Variants in ZNF417 observed in about 807,000 individuals in gnomAD.
The protein encoded by ZNF417 is zinc finger protein 417.
Under a neutral mutation model 7.4 loss-of-function variants are expected in ZNF417, and 5 were observed. That is an observed-to-expected ratio of 0.68 (90% CI 0.35 to 1.43). The LOEUF is 1.43. Ranked by LOEUF, ZNF417 falls within the 40% of genes most tolerant of loss-of-function variation. The pLI is 0.04. For synonymous variants in ZNF417, 147 were observed against 239.1 expected, an observed-to-expected ratio of 0.61 and a Z score of 3.55; for missense variants, 437 against 697.3, an observed-to-expected ratio of 0.63 and a Z score of 4.20.
chr19:57,914,222 A>G (rs1388180494), intron 1 of ZNF417, among the ~76,000 whole-genome samples: 2 of 152,064 alleles, frequency 1.3e-5, no homozygotes, highest in Admixed American at 6.6e-5. Flanking sequence ...GTGATGGCTC[A>G]TGTCTGTAAT....
chr19:57,914,185 A>G (rs904710049), intron 1 of ZNF417, among the ~76,000 whole-genome samples: 4 of 152,070 alleles, frequency 2.6e-5, no homozygotes, highest in African/African-American at 4.8e-5. Flanking sequence ...TATCATCCGC[A>G]TTAGAAAACC....
At chr19:57,913,833 G>A (rs149236854) in intron 1 of ZNF417, among the ~76,000 whole-genome samples, 77 of 152,200 alleles carry the variant, frequency 5.1e-4, no homozygotes, top group Non-Finnish European at 9.3e-4. Flanking sequence ...TCAGCCTGTA[G>A]TCACACCTTC....
chr19:57,908,818 G>A lies in ZNF417; in HGVS notation c.1460C>T (p.Thr487Ile). 1 of 1,613,860 alleles carries A rather than the reference G, an allele frequency of 6.2e-7. No homozygotes were observed. Among genetic ancestry groups the A allele is most frequent in the Non-Finnish European group, 8.5e-7 (1 of 1,179,770 alleles). Residue 487 changes from threonine to isoleucine, a missense_variant, in exon 3 of 3, where the codon ACT becomes ATT. By Grantham distance (89) the Thr-to-Ile change is moderately conservative. Transcript: ENST00000312026. ...NCVTIHQRIH[T>I]GERPYECNEC... is the part of the protein sequence containing the mutation. ...ATTGCATTCATACGGCCTTTCTCCA[G>A]TGTGAATCCTCTGATGTATAGTCAC...
At chr19:57,915,796 A>G (rs373804092) in intron 1 of ZNF417, 36 of 410,966 alleles carry the variant, frequency 8.8e-5, no homozygotes, top group African/African-American at 5.3e-4. Flanking sequence ...GCAGCTTCTG[A>G]CTCCAAGAGT....
At chr19:57,915,515 T>A (rs12972704) in intron 1 of ZNF417, 5 of 470,054 alleles carry the variant, frequency 1.1e-5, no homozygotes, top group Non-Finnish European at 1.6e-5. Context: ...GGTGAAACCG[T>A]CTTTGCAAAA....
rs758977484 is a variant in ZNF417, at chr19:57,908,881, C to A, written c.1397G>T (p.Cys466Phe). Residue 466 changes from cysteine to phenylalanine, a missense_variant, in exon 3 of 3, where the codon TGT (cysteine) becomes TTT (phenylalanine). Physicochemically the swap from Cys to Phe is radical, Grantham distance 205 (BLOSUM62 -2). Coordinates refer to ENST00000312026, the MANE Select transcript of ZNF417 (RefSeq NM_152475.3). ...RVHTGERPYA[C>F]EVCGKLFGNK... The stretch of plus-strand genomic sequence containing the variant: ...ACCAAATAATTTCCCACATACCTCA[C>A]ACGCATATGGCCTTTCTCCAGTGTG... 6 of 1,614,110 alleles carry A rather than the reference C, an allele frequency of 3.7e-6. No individual in the cohort carries two copies. Among genetic ancestry groups the A allele is most frequent in the Non-Finnish European group, 5.1e-6 (6 of 1,180,058 alleles).
intron 1 of ZNF417, 125 bp from the exon 2 acceptor site, chr19:57,912,314 C>T (rs1381799455): frequency 1.3e-6 from 2 of 1,488,818 alleles, no homozygotes; most frequent in Admixed American, 4.5e-5. Context: ...GAAACTATGT[C>T]CACTAGTGCC....
rs1227276131 is a variant in ZNF417 at position 57,906,050 on chromosome 19, C to A, written c.*2500G>T. 6.6e-6 allele frequency among the ~76,000 whole-genome samples: 1 copy of A among 152,018 alleles called. No individual in the cohort carries two copies. The highest frequency in any genetic ancestry group is 2.1e-4 in the South Asian group (1 of 4,806). On this transcript the variant is annotated 3_prime_UTR_variant, in exon 3 of 3. Transcript: ENST00000312026. ...GTACCATCTCAGCTGATTGCAACCT[C>A]CATTTCCGAGGAAGGCTCCTTAATT... is the stretch of plus-strand genomic sequence containing the variant.
In ZNF417 at chr19:57,906,846, T is replaced by TA. The variant is rs2071835141; in HGVS notation, c.*1703_*1704insT. The TA allele has an allele frequency of 1.1e-5, 1 of 87,534 alleles. No homozygotes were observed. The highest frequency in any genetic ancestry group is 2.9e-4 in the East Asian group (1 of 3,446). The allele number at this position is 87,534 out of a possible 1,614,324, so 5.4% of individuals were successfully genotyped here. On this transcript the variant is annotated 3_prime_UTR_variant, in exon 3 of 3. Coordinates refer to ENST00000312026, the MANE Select transcript of ZNF417 (RefSeq NM_152475.3). Reference sequence around the variant, plus strand: ...AAAAGGTAACATTTAGGGATTGAGATTTTTTTTTTTTTTTTTTTTTTTTTT... The same window carrying TA: ...AAAAGGTAACATTTAGGGATTGAGATATTTTTTTTTTTTTTTTTTTTTTTTT...
In ZNF417 at chr19:57,916,249, T is replaced by C. The variant is rs115240730; in HGVS notation, c.33+130A>G. On this transcript the variant is annotated intron_variant, in intron 1 of 2. Coordinates refer to ENST00000312026, the MANE Select transcript of ZNF417 (RefSeq NM_152475.3). ...CACTGGACAGTTACACAGGGACCCCTCCTGCGAGCGCCTCAGTGTTCCTAC... is the reference window on the plus strand; with the variant it reads ...CACTGGACAGTTACACAGGGACCCCCCCTGCGAGCGCCTCAGTGTTCCTAC... 5.8e-3 allele frequency: 8,991 copies of C among 1,550,922 alleles called. 457 individuals are homozygous for C. In the African/African-American group the frequency reaches 0.11, roughly 19 times the overall value.
rs750865306 is a variant in ZNF417, at chr19:57,908,968, T to C, written c.1310A>G (p.Asn437Ser). The C allele has an allele frequency of 1.2e-6, 2 of 1,613,984 alleles. No individual in the cohort carries two copies. The highest frequency in any genetic ancestry group is 2.2e-5 in the East Asian group (1 of 44,864). ...AAATAATTTCCCACATTCCCTACAATTGTAAGGTCTTTCCCCAGTGTGAAG... is the reference window on the plus strand; with the variant it reads ...AAATAATTTCCCACATTCCCTACAACTGTAAGGTCTTTCCCCAGTGTGAAG... ...QRLHTGERPY[N>S]CRECGKLFNR... is the part of the protein sequence containing the mutation. The change falls in exon 3 of 3, where the codon AAT becomes AGT. Residue 437 changes from asparagine to serine, a missense_variant. Physicochemically the swap from Asn to Ser is conservative, Grantham distance 46 (BLOSUM62 1). Around this residue, in one of 5 missense-constraint regions of ZNF417, gnomAD observed 233 missense variants for 235.5 expected, o/e 0.99. Coordinates refer to ENST00000312026, the MANE Select transcript of ZNF417 (RefSeq NM_152475.3).
At position 57,916,480 on chromosome 19, in the gene ZNF417, G is replaced by A; in HGVS notation, c.-69C>T. 2 of 1,612,156 alleles carry A rather than the reference G, an allele frequency of 1.2e-6. No homozygotes were observed. Among genetic ancestry groups the A allele is most frequent in the Non-Finnish European group, 1.7e-6 (2 of 1,179,306 alleles). On this transcript the variant is annotated 5_prime_UTR_variant, in exon 1 of 3. Transcript: ENST00000312026. ...CACGGGGCTGCAGAGCCGCCTCTGG[G>A]CACCGAGGACGATTCCTCTCCACCT... is the stretch of plus-strand genomic sequence containing the variant.
chr19:57,908,984 C>T lies in ZNF417; in HGVS notation c.1294G>A (p.Gly432Arg). The change falls in exon 3 of 3, where the codon GGG (glycine) becomes AGG (arginine). Residue 432 changes from glycine (G) to arginine (R), a missense_variant. Gly to Arg is a moderately radical substitution (Grantham distance 125). Coordinates refer to ENST00000312026, the MANE Select transcript of ZNF417 (RefSeq NM_152475.3). ...TCCCTACAATTGTAAGGTCTTTCCC[C>T]AGTGTGAAGTCTCTGGTGTTCAGTG... ...HLTEHQRLHT[G>R]ERPYNCRECG... 2.5e-6 allele frequency: 4 copies of T among 1,613,990 alleles called. No individual in the cohort carries two copies. The highest frequency in any genetic ancestry group is 1.3e-5 in the African/African-American group (1 of 75,026).
intron 1 of ZNF417, among the ~76,000 whole-genome samples, chr19:57,913,614 C>A (rs1470947066): frequency 1.3e-5 from 2 of 152,232 alleles, no homozygotes; most frequent in East Asian, 3.8e-4. Context: ...TAAATAGTTA[C>A]AACTTGGCAC....
At chr19:57,911,680 G>A (rs1281484297) in intron 2 of ZNF417, among the ~76,000 whole-genome samples, 1 of 152,158 alleles carries the variant, frequency 6.6e-6, no homozygotes, top group Non-Finnish European at 1.5e-5. Context: ...GTCTATGTAG[G>A]TAGTGACAAT....
In ZNF417 at chr19:57,916,413, G is replaced by T. The variant is rs762481670; in HGVS notation, c.-2C>A. On this transcript the variant is annotated 5_prime_UTR_variant, in exon 1 of 3. Transcript: ENST00000312026. ...GCGCCTCGGCGCAGCCGCTGCCATC[G>T]GACTACTTGGGGAAGCACGGCCCGG... is the stretch of plus-strand genomic sequence containing the variant. 2 of 1,614,012 alleles carry T rather than the reference G, an allele frequency of 1.2e-6. No individual in the cohort carries two copies. Among genetic ancestry groups the T allele is most frequent in the Non-Finnish European group, 8.5e-7 (1 of 1,180,048 alleles).
chr19:57,906,344 A>C lies in ZNF417; in HGVS notation c.*2206T>G, dbSNP rs1232594716. On this transcript the variant is annotated 3_prime_UTR_variant, in exon 3 of 3. Transcript: ENST00000312026. ...GTGCTTATATAACATGCTGTAATAC[A>C]AGGTGACATTTAGGGGCTGAGACTG... 6.6e-6 allele frequency among the ~76,000 whole-genome samples: 1 copy of C among 152,166 alleles called. No individual in the cohort carries two copies. The highest frequency in any genetic ancestry group is 1.5e-5 in the Non-Finnish European group (1 of 68,042).
Position 57,909,409 on chromosome 19 carries a change from T to A in ZNF417, c.869A>T (p.His290Leu). The change falls in exon 3 of 3, where the codon CAC becomes CTC. Residue 290 changes from histidine (H) to leucine (L), a missense_variant. Around this residue, in one of 5 missense-constraint regions of ZNF417, gnomAD observed 34 missense variants for 33.3 expected, o/e 1.02. Coordinates refer to ENST00000312026, the MANE Select transcript of ZNF417 (RefSeq NM_152475.3). ...ACAGGGATAAGCTGTCTTTCCAGTGTGGACTCGCTGATGTTGAATAAGGCT... is the reference window on the plus strand; with the variant it reads ...ACAGGGATAAGCTGTCTTTCCAGTGAGGACTCGCTGATGTTGAATAAGGCT... ...KSSLIQHQRV[H>L]TGKTAYPCEE... 1 of 1,614,180 alleles carries A rather than the reference T, an allele frequency of 6.2e-7. No homozygotes were observed. The highest frequency in any genetic ancestry group is 1.1e-5 in the South Asian group (1 of 91,072).
At position 57,909,410 on chromosome 19, in the gene ZNF417, G is replaced by A. The variant is rs1210335934; in HGVS notation, c.868C>T (p.His290Tyr). 2 of 1,614,136 alleles carry A rather than the reference G, an allele frequency of 1.2e-6. No individual in the cohort carries two copies. Among genetic ancestry groups the A allele is most frequent in the Non-Finnish European group, 1.7e-6 (2 of 1,180,010 alleles). The change falls in exon 3 of 3, where the codon CAC (histidine) becomes TAC (tyrosine). Residue 290 changes from histidine (H) to tyrosine (Y), a missense_variant. Physicochemically the swap from His to Tyr is moderately conservative, Grantham distance 83. This residue lies in a region of ZNF417 where 34 missense variants were observed against 33.3 expected (regional missense o/e 1.02). Transcript: ENST00000312026. ...CAGGGATAAGCTGTCTTTCCAGTGTGGACTCGCTGATGTTGAATAAGGCTG... is the reference window on the plus strand; with the variant it reads ...CAGGGATAAGCTGTCTTTCCAGTGTAGACTCGCTGATGTTGAATAAGGCTG... ...KSSLIQHQRVHTGKTAYPCEE... is the reference protein window; with the variant it reads ...KSSLIQHQRVYTGKTAYPCEE...
Sources: gnomAD v4.1 joint callset for allele counts (sites outside exome capture counted in the v4.1 genomes callset) on GRCh38, gnomAD v4.1.1 for gene constraint, gnomAD v4.1.1 regional missense constraint, MANE v1.5 for transcripts, NCBI Gene and HGNC (gene_info 2026-07-23, HGNC 2026-07-21) for gene names.